The following ACOXL variants were observed in gnomAD, a reference collection of about 807,000 sequenced individuals.
ACOXL encodes the protein acyl-CoA oxidase like, also known as acyl-coenzyme A oxidase-like protein.
ACOXL carries 70 observed loss-of-function variants against 71.9 expected under a neutral mutation model. The ratio of observed to expected loss-of-function variants is 0.97; its 90% CI spans 0.80 to 1.19. The LOEUF is 1.19. ACOXL is among the 50% of genes most tolerant of loss of function. ACOXL has a pLI of 0.00. For synonymous variants in ACOXL, 253 were observed against 281.6 expected (o/e 0.90, Z 1.02); for missense variants, 703 against 736.3 (o/e 0.95, Z 0.52).
chr2:111,093,771 C>T (rs1388450566), intron 17 of ACOXL: 3 of 393,282 alleles, frequency 7.6e-6, no homozygotes, highest in South Asian at 4.4e-5. Context: ...GGCTGAGGCA[C>T]GAGAATCGCT....
chr2:111,050,762 G>A (rs946378109), intron 16 of ACOXL, among the ~76,000 whole-genome samples: 6 of 152,182 alleles, frequency 3.9e-5, no homozygotes, highest in Admixed American at 6.5e-5. Context: ...ACACCTCCAG[G>A]CCTGCTTCTA....
chr2:110,832,529 A>G (rs1689962724), intron 9 of ACOXL, among the ~76,000 whole-genome samples: 1 of 146,114 alleles, frequency 6.8e-6, no homozygotes, highest in African/African-American at 2.5e-5. Context: ...TGGGCGACAG[A>G]GCGAGACTCC....
At chr2:111,027,969 C>T (rs1034963561) in intron 14 of ACOXL, among the ~76,000 whole-genome samples, 4 of 151,992 alleles carry the variant, frequency 2.6e-5, no homozygotes, top group African/African-American at 9.7e-5. Flanking sequence ...GCAGATCACT[C>T]GAGCCCAGGA....
intron 11 of ACOXL, among the ~76,000 whole-genome samples, chr2:110,917,192 C>T (rs1212948664): frequency 6.6e-6 from 1 of 152,192 alleles, no homozygotes; most frequent in Non-Finnish European, 1.5e-5. Flanking sequence ...AGCAGCACAT[C>T]AAAAACCTTA....
intron 12 of ACOXL, among the ~76,000 whole-genome samples, chr2:110,974,117 G>T (rs2062338132): frequency 6.6e-6 from 1 of 152,210 alleles, no homozygotes; most frequent in South Asian, 2.1e-4. Context: ...TTCCACTTGT[G>T]TGTTGGAATC....
intron 16 of ACOXL, among the ~76,000 whole-genome samples, chr2:111,091,944 A>G (rs2068546911): frequency 6.6e-6 from 1 of 152,192 alleles, no homozygotes; most frequent in Admixed American, 6.5e-5. Flanking sequence ...CTGATAAGCC[A>G]TAGAAGGCAA....
At position 110,746,792 on chromosome 2, in the gene ACOXL, G is replaced by A. The variant is rs145385920; in HGVS notation, c.-23+14018G>A. On this transcript the variant is annotated intron_variant, in intron 1 of 17. Transcript: ENST00000439055. ...CTTAAATAGCGGATGCCTGCTTGTC[G>A]GCCTCCCCCTTTCCCCCTCTTCTCC... Among the ~76,000 whole-genome samples the A allele has an allele frequency of 2.4e-4, 37 of 151,872 alleles. No homozygotes were observed. The East Asian group carries it at 5.6e-3, about 23-fold the overall frequency.
chr2:110,755,484 A>G (rs1414140765), intron 1 of ACOXL, among the ~76,000 whole-genome samples: 1 of 152,214 alleles, frequency 6.6e-6, no homozygotes, highest in South Asian at 2.1e-4. Flanking sequence ...ATACACAACT[A>G]TGCATGTTGC....
At chr2:111,026,153 C>G (rs1462943138) in intron 14 of ACOXL, among the ~76,000 whole-genome samples, 1 of 152,136 alleles carries the variant, frequency 6.6e-6, no homozygotes, top group Admixed American at 6.5e-5. Flanking sequence ...CGTACTGTTG[C>G]GTTTACTATA....
At chr2:111,042,804 C>T (rs1484942784) in intron 15 of ACOXL, among the ~76,000 whole-genome samples, 3 of 152,206 alleles carry the variant, frequency 2.0e-5, no homozygotes, top group East Asian at 1.9e-4. Flanking sequence ...TCGGGGGATG[C>T]GGTGCTTTGG....
At chr2:110,955,126 C>T (rs1877655) in intron 12 of ACOXL, among the ~76,000 whole-genome samples, 85,787 of 151,900 alleles carry the variant, frequency 0.56, 24,402 homozygotes, top group East Asian at 0.75. Context: ...TTAGTAAGTA[C>T]GTGGATTTGT....
chr2:110,934,693 C>T (rs933069542), intron 12 of ACOXL, among the ~76,000 whole-genome samples: 30 of 152,250 alleles, frequency 2.0e-4, no homozygotes, highest in African/African-American at 5.1e-4. Context: ...GGCAGAGCTG[C>T]GGGCACAGCC....
At chr2:110,852,616 A>G (rs1338660673) in intron 10 of ACOXL, among the ~76,000 whole-genome samples, 6 of 152,152 alleles carry the variant, frequency 3.9e-5, no homozygotes, top group Non-Finnish European at 7.3e-5. Flanking sequence ...AATCAAGAAC[A>G]TTCTATAGCC....
chr2:110,927,965 C>G (rs1172939847), intron 11 of ACOXL, among the ~76,000 whole-genome samples: 1 of 152,202 alleles, frequency 6.6e-6, no homozygotes, highest in Non-Finnish European at 1.5e-5. Context: ...AATTTCCTAA[C>G]TTAGAAAATG....
intron 14 of ACOXL, among the ~76,000 whole-genome samples, chr2:111,009,663 C>A (rs1181308240): frequency 6.6e-6 from 1 of 152,086 alleles, no homozygotes; most frequent in Non-Finnish European, 1.5e-5. Context: ...CATGACTGAT[C>A]CCTGGAATAT....
At chr2:110,783,766 G>A (rs1305830998) in intron 2 of ACOXL, among the ~76,000 whole-genome samples, 1 of 152,212 alleles carries the variant, frequency 6.6e-6, no homozygotes, top group Non-Finnish European at 1.5e-5. Context: ...GTTTTTTTGG[G>A]TGGATCTCAG....
In ACOXL at chr2:110,987,169, G is replaced by T; in HGVS notation, c.1121G>T (p.Gly374Val). The T allele has an allele frequency of 1.9e-6, 3 of 1,579,826 alleles. No homozygotes were observed. Among genetic ancestry groups the T allele is most frequent in the South Asian group, 2.3e-5 (2 of 86,588 alleles). Residue 374 changes from glycine to valine, a missense_variant, in exon 13 of 18, where the codon GGC becomes GTC. Coordinates refer to ENST00000439055, the MANE Select transcript of ACOXL (RefSeq NM_001142807.4). ...TKQYEEKPLF[G>V]LLQNWAESVG... The stretch of plus-strand genomic sequence containing the variant: ...CAGTATGAAGAAAAACCACTCTTTG[G>T]CCTGCTCCAAAACTGGGCTGAATCT...
At chr2:111,108,476 T>G (rs1359673548) in intron 17 of ACOXL, among the ~76,000 whole-genome samples, 1 of 140,726 alleles carries the variant, frequency 7.1e-6, no homozygotes, top group African/African-American at 2.7e-5. Flanking sequence ...CCTCCCAGGT[T>G]CAAGCGATTC....
rs115894253 is a variant in ACOXL at position 110,786,036 on chromosome 2, G to A, written c.159+1221G>A. Among the ~76,000 whole-genome samples the A allele has an allele frequency of 8.6e-3, 1,310 of 152,254 alleles. 12 individuals are homozygous for A. Among genetic ancestry groups the A allele is most frequent in the Non-Finnish European group, 0.015 (991 of 68,010 alleles). ...CATGTTCCTGCTTACCAAGGAAGGC[G>A]AACAAAATAGCTCAGGTGGGCGTGT... is the stretch of plus-strand genomic sequence containing the variant. On this transcript the variant is annotated intron_variant, in intron 3 of 17. Transcript: ENST00000439055.
Sources: gnomAD v4.1 joint callset for allele counts (sites outside exome capture counted in the v4.1 genomes callset) on GRCh38, gnomAD v4.1.1 for gene constraint, MANE v1.5 for transcripts, NCBI Gene and HGNC (gene_info 2026-07-23, HGNC 2026-07-21) for gene names.